CNTNAP2: variants seen among roughly 807,000 people sequenced by gnomAD.
CNTNAP2 encodes the protein contactin-associated protein-like 2.
In CNTNAP2, 98 loss-of-function variants were observed where a neutral mutation model predicts 155.2. That is an observed-to-expected ratio of 0.63 (90% CI 0.54 to 0.75). The LOEUF (loss-of-function observed/expected upper bound fraction) is 0.75, where lower values mean the gene tolerates loss of function less well. CNTNAP2 is among the 30% of genes least tolerant of loss of function. The pLI is 0.00. For synonymous variants in CNTNAP2, 651 were observed against 631.2 expected (o/e 1.03, Z -0.47); for missense variants, 1,727 against 1,688.1 (o/e 1.02, Z -0.40).
intron 22 of CNTNAP2, among the ~76,000 whole-genome samples, chr7:148,400,979 CAA>C (rs59013618): frequency 5.5e-5 from 6 of 109,896 alleles, no homozygotes; most frequent in Admixed American, 2.0e-4. Flanking sequence ...GACTCCGCCT[CAA>C]AAAAAAAAAA....
intron 8 of CNTNAP2, among the ~76,000 whole-genome samples, chr7:147,134,318 C>G (rs1801435998): frequency 6.6e-6 from 1 of 151,706 alleles, no homozygotes. Flanking sequence ...CAAAGAAATC[C>G]AATACATGAC....
chr7:147,576,096 A>T (rs999141073), intron 12 of CNTNAP2, among the ~76,000 whole-genome samples: 1 of 95,832 alleles, frequency 1.0e-5, no homozygotes, highest in Non-Finnish European at 2.0e-5. Context: ...AATTACTATT[A>T]TTATTATTTG....
intron 1 of CNTNAP2, among the ~76,000 whole-genome samples, chr7:146,481,064 T>C (rs1001877515): frequency 1.3e-5 from 2 of 152,078 alleles, no homozygotes; most frequent in East Asian, 1.9e-4. Context: ...ACCAAAATCA[T>C]ATACTTCTCC....
At chr7:146,581,622 GTAT>G (rs1008065771) in intron 1 of CNTNAP2, among the ~76,000 whole-genome samples, 5 of 150,770 alleles carry the variant, frequency 3.3e-5, no homozygotes, top group African/African-American at 1.2e-4. Context: ...TCAATGTAAT[GTAT>G]TATAATAAAC....
At chr7:146,267,386 A>G (rs1800012270) in intron 1 of CNTNAP2, among the ~76,000 whole-genome samples, 1 of 152,176 alleles carries the variant, frequency 6.6e-6, no homozygotes, top group Admixed American at 6.5e-5. Flanking sequence ...TCTCTGTGTA[A>G]TTAGAACTGC....
At chr7:146,623,156 A>G (rs1307865662) in intron 1 of CNTNAP2, among the ~76,000 whole-genome samples, 1 of 152,028 alleles carries the variant, frequency 6.6e-6, no homozygotes, top group African/African-American at 2.4e-5. Context: ...TCTATTTCCA[A>G]AGTTGCCTAG....
chr7:146,663,299 GAAAGAAAGAAAAAGAAAGGAAAAAA>G (rs1800127846), intron 1 of CNTNAP2, among the ~76,000 whole-genome samples: 1 of 100,994 alleles, frequency 9.9e-6, no homozygotes, highest in African/African-American at 4.5e-5. Flanking sequence ...AAAAAAAAAA[GAAAGAAAGAAAAAGAAAGGAAAAAA>G]AAAGAAATCA....
chr7:146,581,786 C>T (rs1798614998), intron 1 of CNTNAP2, among the ~76,000 whole-genome samples: 1 of 151,910 alleles, frequency 6.6e-6, no homozygotes, highest in Admixed American at 6.6e-5. Flanking sequence ...GAACAGGATG[C>T]TAAGGTACAG....
rs138115471 is a variant in CNTNAP2 at position 146,720,410 on chromosome 7, A to G, written c.98-53861A>G. On this transcript the variant is annotated intron_variant, in intron 1 of 23. Transcript: ENST00000361727. ...GAGAAGGCAATTATCTATTATGCTT[A>G]GGGGACACAAAAGTAGCTCACGGAG... Among the ~76,000 whole-genome samples the G allele has an allele frequency of 1.3e-4, 20 of 152,226 alleles. No individual in the cohort carries two copies. In the East Asian group the frequency reaches 3.9e-3, roughly 29 times the overall value.
chr7:148,367,533 A>G (rs916875675), intron 21 of CNTNAP2, among the ~76,000 whole-genome samples: 1 of 152,182 alleles, frequency 6.6e-6, no homozygotes, highest in African/African-American at 2.4e-5. Context: ...TGTGAAAGTC[A>G]TCACATGACC....
chr7:147,794,785 T>A (rs1797867998), intron 13 of CNTNAP2, among the ~76,000 whole-genome samples: 2 of 151,894 alleles, frequency 1.3e-5, no homozygotes, highest in Non-Finnish European at 2.9e-5. Flanking sequence ...TAAAGGCCGT[T>A]AATATATTCT....
At chr7:146,491,948 T>G (rs534955340) in intron 1 of CNTNAP2, among the ~76,000 whole-genome samples, 1 of 152,110 alleles carries the variant, frequency 6.6e-6, no homozygotes, top group Non-Finnish European at 1.5e-5. Flanking sequence ...TCTAAAGATA[T>G]GAGGATGCAA....
At chr7:148,085,194 A>G (rs1803700079) in intron 15 of CNTNAP2, among the ~76,000 whole-genome samples, 1 of 152,218 alleles carries the variant, frequency 6.6e-6, no homozygotes. Context: ...GAAACAACCT[A>G]TTTCCCTTTG....
chr7:148,102,418 A>C (rs1273096713), intron 15 of CNTNAP2, among the ~76,000 whole-genome samples: 2 of 152,212 alleles, frequency 1.3e-5, no homozygotes, highest in Non-Finnish European at 2.9e-5. Context: ...TGTTGTGAAT[A>C]GTCCTGTGAT....
chr7:146,947,456 T>A (rs1050807711), intron 3 of CNTNAP2, among the ~76,000 whole-genome samples: 66 of 139,730 alleles, frequency 4.7e-4, no homozygotes, highest in African/African-American at 1.7e-3. Flanking sequence ...ACATATATCT[T>A]TCTATATATA....
intron 1 of CNTNAP2, among the ~76,000 whole-genome samples, chr7:146,465,156 CTTTA>C (rs1156837289): frequency 1.3e-5 from 2 of 151,952 alleles, no homozygotes; most frequent in Non-Finnish European, 2.9e-5. Flanking sequence ...ACACACAGCC[CTTTA>C]TTTGTGTTTG....
At chr7:147,630,401 A>G (rs1208201229) in intron 12 of CNTNAP2, among the ~76,000 whole-genome samples, 1 of 152,038 alleles carries the variant, frequency 6.6e-6, no homozygotes, top group African/African-American at 2.4e-5. Context: ...CATTCAAAGA[A>G]GAATCGACAC....
At chr7:148,403,375 G>T (rs1322438879) in intron 22 of CNTNAP2, among the ~76,000 whole-genome samples, 1 of 152,098 alleles carries the variant, frequency 6.6e-6, no homozygotes, top group African/African-American at 2.4e-5. Context: ...GACTGGAATG[G>T]CACCATGCTT....
At position 147,305,095 on chromosome 7, in the gene CNTNAP2, C is replaced by T. The variant is rs559768024; in HGVS notation, c.1498+4805C>T. ...CCAAAGGCCCCACTCCTAATACCAC[C>T]CACAGGGGCTCGGGGTTTCAATATG... On this transcript the variant is annotated intron_variant, in intron 9 of 23. Transcript: ENST00000361727. Among the ~76,000 whole-genome samples the T allele has an allele frequency of 1.1e-4, 17 of 152,188 alleles. No homozygotes were observed. In the South Asian group the frequency reaches 2.9e-3, roughly 26 times the overall value.
Sources: gnomAD v4.1 joint callset for allele counts (sites outside exome capture counted in the v4.1 genomes callset) on GRCh38, gnomAD v4.1.1 for gene constraint, MANE v1.5 for transcripts, NCBI Gene and HGNC (gene_info 2026-07-23, HGNC 2026-07-21) for gene names.